The following HSD17B7 variants were observed in gnomAD, a reference collection of about 807,000 sequenced individuals.
HSD17B7 encodes the protein 3-keto-steroid reductase/17-beta-hydroxysteroid dehydrogenase 7.
A neutral mutation model predicts 34.1 loss-of-function variants in HSD17B7; 17 were observed. The ratio of observed to expected loss-of-function variants is 0.50; its 90% CI spans 0.34 to 0.75. The LOEUF (loss-of-function observed/expected upper bound fraction) is 0.75, where lower values mean the gene tolerates loss of function less well. Ranked by LOEUF, HSD17B7 falls within the 30% of genes least tolerant of loss-of-function variation. The probability of loss-of-function intolerance (pLI) is 0.01; values close to 1 mark genes in which losing one functional copy is unlikely to be tolerated. For missense variants in HSD17B7, 296 were observed against 406.6 expected (o/e 0.73, Z 2.34); for synonymous variants, 122 against 154.6 (o/e 0.79, Z 1.56).
rs540197074 is a variant in HSD17B7 at position 162,803,473 on chromosome 1, A to G, written c.685A>G (p.Asn229Asp). ...NVACPGTALT[N>D]LTYGILPPFI... ...GGCCTGTCCAGGTACAGCATTGACCAATTTGACATATGGAATTCTGCCTCC... is the reference window on the plus strand; with the variant it reads ...GGCCTGTCCAGGTACAGCATTGACCGATTTGACATATGGAATTCTGCCTCC... The change falls in exon 6 of 9, where the codon AAT (asparagine) becomes GAT (aspartate). Residue 229 changes from asparagine to aspartate, a missense_variant. By Grantham distance (23) the Asn-to-Asp change is conservative (BLOSUM62 1). Coordinates refer to ENST00000254521, the MANE Select transcript of HSD17B7 (RefSeq NM_016371.4). 131 of 1,613,084 alleles carry G rather than the reference A, an allele frequency of 8.1e-5. No homozygotes were observed. In the East Asian group the frequency reaches 2.9e-3, roughly 35 times the overall value.
intron 2 of HSD17B7, 130 bp downstream of exon 2, chr1:162,792,992 A>T: frequency 1.3e-6 from 1 of 747,374 alleles, no homozygotes; most frequent in Non-Finnish European, 2.2e-6. Flanking sequence ...GGAAGTCTGT[A>T]TAGGGTGACC....
chr1:162,802,862 A>G (rs1226463317), intron 5 of HSD17B7: 1 of 152,552 alleles, frequency 6.6e-6, no homozygotes, highest in African/African-American at 2.4e-5. Context: ...GTTCTAGGCT[A>G]AGGACCTGAT....
chr1:162,798,087 G>A (rs1356989001), intron 4 of HSD17B7, 171 bp downstream of exon 4: 10 of 1,177,558 alleles, frequency 8.5e-6, no homozygotes, highest in African/African-American at 1.6e-5. Context: ...ACTTCTGGAA[G>A]CTTTCCTAGT....
At chr1:162,795,795 G>T in intron 2 of HSD17B7, 1 of 372,234 alleles carries the variant, frequency 2.7e-6, no homozygotes. Flanking sequence ...CATGAGAGCA[G>T]GCTTTACCTG....
At chr1:162,799,219 A>G (rs1053910682) in intron 4 of HSD17B7, among the ~76,000 whole-genome samples, 3 of 152,024 alleles carry the variant, frequency 2.0e-5, no homozygotes, top group African/African-American at 4.8e-5. Flanking sequence ...TATAAATACT[A>G]TTTTATTTTC....
At chr1:162,807,566 T>C (rs1649027604) in intron 8 of HSD17B7, among the ~76,000 whole-genome samples, 1 of 152,148 alleles carries the variant, frequency 6.6e-6, no homozygotes, top group African/African-American at 2.4e-5. Context: ...TCCACAATGG[T>C]TGAACTAGTT....
At position 162,794,891 on chromosome 1, in the gene HSD17B7, C is replaced by T. The variant is rs192801779; in HGVS notation, c.240-1694C>T. 3.0e-4 allele frequency among the ~76,000 whole-genome samples: 45 copies of T among 152,292 alleles called. 1 individual carries two copies. The South Asian group carries it at 7.3e-3, about 25-fold the overall frequency. ...TCGCGAGTTCAGTAATTTAGTATTT[C>T]GTAAGATATTTAGCAACTTAGCACA... On this transcript the variant is annotated intron_variant, in intron 2 of 8. Coordinates refer to ENST00000254521, the MANE Select transcript of HSD17B7 (RefSeq NM_016371.4).
intron 8 of HSD17B7, among the ~76,000 whole-genome samples, chr1:162,806,990 A>G (rs1260096690): frequency 6.6e-6 from 1 of 152,202 alleles, no homozygotes; most frequent in Non-Finnish European, 1.5e-5. Flanking sequence ...AATTATTATT[A>G]TACTTTAAGT....
chr1:162,809,061 A>G (rs1303730105), intron 8 of HSD17B7, among the ~76,000 whole-genome samples: 2 of 152,186 alleles, frequency 1.3e-5, no homozygotes, highest in Admixed American at 6.5e-5. Context: ...TTCAAAGGGA[A>G]TGCTTCTAGT....
At position 162,805,486 on chromosome 1, in the gene HSD17B7, C is replaced by T. The variant is rs754215133; in HGVS notation, c.897C>T (p.Thr299=). The T allele has an allele frequency of 2.5e-6, 4 of 1,612,506 alleles. No homozygotes were observed. Among genetic ancestry groups the T allele is most frequent in the South Asian group, 1.1e-5 (1 of 90,942 alleles). The change falls in exon 8 of 9, where the codon ACC becomes ACT. Residue 299 remains threonine (T), a synonymous_variant. Coordinates refer to ENST00000254521, the MANE Select transcript of HSD17B7 (RefSeq NM_016371.4). ...GCTTTGGAAGAAATTACATTATGAC[C>T]CAGAAGGTAAATGTGCTTACATTGT... ...TTGFGRNYIM[T]QKMDLDEDTA...
intron 5 of HSD17B7, among the ~76,000 whole-genome samples, chr1:162,801,204 G>T (rs1648803182): frequency 1.3e-5 from 2 of 152,166 alleles, no homozygotes; most frequent in African/African-American, 4.8e-5. Flanking sequence ...TCGAACTCCT[G>T]ACCTCAGGTA....
At chr1:162,809,450 T>C (rs377315537) in intron 8 of HSD17B7, among the ~76,000 whole-genome samples, 1 of 152,088 alleles carries the variant, frequency 6.6e-6, no homozygotes, top group Non-Finnish European at 1.5e-5. Context: ...TGTGTCTCTG[T>C]CAGGCTTTGG....
At position 162,798,063 on chromosome 1, in the gene HSD17B7, T is replaced by G. The variant is rs1165704636; in HGVS notation, c.447+147T>G. On this transcript the variant is annotated intron_variant, in intron 4 of 8. Transcript: ENST00000254521. Reference sequence around the variant, plus strand: ...TCTTGATTGCATTTGCCTTGTTTATTGTGAGCATGGAATACTTCTGGAAGC... The same window carrying G: ...TCTTGATTGCATTTGCCTTGTTTATGGTGAGCATGGAATACTTCTGGAAGC... 72 of 1,344,810 alleles carry G rather than the reference T, an allele frequency of 5.4e-5. 1 individual carries two copies. The highest frequency in any genetic ancestry group is 6.6e-5 in the Non-Finnish European group (68 of 1,022,884). The allele number at this position is 1,344,810 out of a possible 1,614,324, so 83.3% of individuals were successfully genotyped here. A position where few individuals can be genotyped will look rare whatever the true frequency, so the allele number is the denominator to read the frequency against.
chr1:162,794,726 A>C (rs916802266), intron 2 of HSD17B7, among the ~76,000 whole-genome samples: 17 of 152,068 alleles, frequency 1.1e-4, no homozygotes, highest in Non-Finnish European at 1.3e-4. Flanking sequence ...ATATTTTCTT[A>C]TTTGGAAGAA....
intron 7 of HSD17B7, 41 bp from the exon 8 acceptor site, chr1:162,805,353 G>C (rs1429538685): frequency 6.2e-7 from 1 of 1,605,480 alleles, no homozygotes; most frequent in South Asian, 1.1e-5. Flanking sequence ...CACTCATCTT[G>C]GGCAGAAGAA....
Position 162,792,690 on chromosome 1 carries a change from C to CAGACTCT in HSD17B7, c.67_68insAGACTCT (p.Leu23GlnfsTer7). On this transcript the variant is annotated frameshift_variant, in exon 2 of 9. Coordinates refer to ENST00000254521, the MANE Select transcript of HSD17B7 (RefSeq NM_016371.4). LOFTEE classifies it high-confidence loss of function. Reference sequence around the variant, plus strand: ...TGGCCTGGCCCTCTGCAAGCGGCTGCTGGCGGAAGATGATGAGCTTCATCT... The same window carrying CAGACTCT: ...TGGCCTGGCCCTCTGCAAGCGGCTGCAGACTCTTGGCGGAAGATGATGAGCTTCATCT... 6.2e-7 allele frequency: 1 copy of CAGACTCT among 1,613,848 alleles called. No homozygotes were observed. The highest frequency in any genetic ancestry group is 2.2e-5 in the East Asian group (1 of 44,864).
chr1:162,800,030 A>G, intron 5 of HSD17B7, 93 bp downstream of exon 5: 1 of 1,043,320 alleles, frequency 9.6e-7, no homozygotes, highest in Non-Finnish European at 1.5e-6. Context: ...GCTTTCCACT[A>G]ACTCTTATAG....
Position 162,796,600 on chromosome 1 carries a change from CTG to C in HSD17B7, c.257_258del (p.Cys86TyrfsTer10). ...ELKQRFQRLD[C>X]IYLNAGIMPN... Reference sequence around the variant, plus strand: ...TTACTTGCAGGTTTCAGAGATTAGACTGTATATATCTAAATGCTGGGATCATG... The same window carrying C: ...TTACTTGCAGGTTTCAGAGATTAGACTATATATCTAAATGCTGGGATCATG... On this transcript the variant is annotated frameshift_variant, in exon 3 of 9. Coordinates refer to ENST00000254521, the MANE Select transcript of HSD17B7 (RefSeq NM_016371.4). LOFTEE classifies it high-confidence loss of function. 1 of 1,606,868 alleles carries C rather than the reference CTG, an allele frequency of 6.2e-7. No individual in the cohort carries two copies. Among genetic ancestry groups the C allele is most frequent in the Non-Finnish European group, 8.5e-7 (1 of 1,173,680 alleles).
chr1:162,802,625 GA>G (rs1648850407), intron 5 of HSD17B7, among the ~76,000 whole-genome samples: 1 of 151,722 alleles, frequency 6.6e-6, no homozygotes, highest in Admixed American at 6.6e-5. Context: ...TTATTTAAAA[GA>G]AAAAATGAGT....
Sources: gnomAD v4.1 joint callset for allele counts (sites outside exome capture counted in the v4.1 genomes callset) on GRCh38, gnomAD v4.1.1 for gene constraint, MANE v1.5 for transcripts, NCBI Gene and HGNC (gene_info 2026-07-23, HGNC 2026-07-21) for gene names.